USP10: variants seen among roughly 807,000 people sequenced by gnomAD.
USP10 encodes ubiquitin specific peptidase 10.
Under a neutral mutation model 84.5 loss-of-function variants are expected in USP10, and 22 were observed. That is an observed-to-expected ratio of 0.26 (90% CI 0.19 to 0.37). The LOEUF (loss-of-function observed/expected upper bound fraction) is 0.37. Ranked by LOEUF, USP10 falls within the 10% of genes least tolerant of loss-of-function variation. The pLI is 1.00. For missense variants in USP10, 1,019 were observed against 998.9 expected, an observed-to-expected ratio of 1.02 and a Z score of -0.27; for synonymous variants, 454 against 387.6, an observed-to-expected ratio of 1.17 and a Z score of -2.01.
intron 1 of USP10, among the ~76,000 whole-genome samples, chr16:84,730,867 A>G (rs1051140937): frequency 2.0e-5 from 3 of 152,198 alleles, no homozygotes; most frequent in African/African-American, 7.2e-5. Context: ...AATCCTGCAG[A>G]ACATTCTGAT....
intron 2 of USP10, 71 bp downstream of exon 2, chr16:84,733,574 G>GT (rs571034552): frequency 8.4e-6 from 10 of 1,188,468 alleles, no homozygotes; most frequent in African/African-American, 4.8e-5. Flanking sequence ...ATTTTAATTT[G>GT]TTTTTTTAAA....
Position 84,779,004 on chromosome 16 carries a change from C to T in USP10, c.2319C>T (p.Ile773=), listed in dbSNP as rs767938676. ...TCGATGACCAGACAGTCAAGGTGAT[C>T]AACCAGTACCAGGTGGTGAAACCAA... ...LRIDDQTVKV[I]NQYQVVKPTA... Residue 773 remains isoleucine, a synonymous_variant, in exon 14 of 14, where the codon ATC becomes ATT. Transcript: ENST00000219473. The T allele has an allele frequency of 1.2e-4, 186 of 1,614,042 alleles. No individual in the cohort carries two copies. Among genetic ancestry groups the T allele is most frequent in the Non-Finnish European group, 1.6e-4 (183 of 1,179,902 alleles).
At chr16:84,749,746 G>T (rs1239563000) in intron 4 of USP10, among the ~76,000 whole-genome samples, 1 of 152,016 alleles carries the variant, frequency 6.6e-6, no homozygotes. Context: ...GAAGGCAGAT[G>T]GACTAAAAGA....
At chr16:84,761,958 C>G (rs1040784534) in intron 8 of USP10, among the ~76,000 whole-genome samples, 2 of 152,260 alleles carry the variant, frequency 1.3e-5, no homozygotes, top group Admixed American at 1.3e-4. Context: ...CAGCTGCTGT[C>G]CACGTCTACT....
intron 13 of USP10, among the ~76,000 whole-genome samples, chr16:84,778,028 T>C (rs1431523273): frequency 1.3e-5 from 2 of 152,014 alleles, no homozygotes; most frequent in African/African-American, 4.8e-5. Flanking sequence ...CTTCTACAGA[T>C]TTTTTGTTTT....
At chr16:84,762,277 C>G (rs902126917) in intron 8 of USP10, among the ~76,000 whole-genome samples, 2 of 152,246 alleles carry the variant, frequency 1.3e-5, no homozygotes, top group Non-Finnish European at 1.5e-5. Flanking sequence ...GGCTGCTTAG[C>G]TCATTGCTCG....
At chr16:84,747,788 A>G (rs1567626662) in intron 4 of USP10, among the ~76,000 whole-genome samples, 1 of 151,860 alleles carries the variant, frequency 6.6e-6, no homozygotes, top group Non-Finnish European at 1.5e-5. Flanking sequence ...GCTGGCCTCA[A>G]ACTCCTGACC....
Position 84,779,296 on chromosome 16 carries a change from T to C in USP10, c.*214T>C, listed in dbSNP as rs1353594920. On this transcript the variant is annotated 3_prime_UTR_variant, in exon 14 of 14. Transcript: ENST00000219473. ...TCAAAATCATTTGGTTGAAACAGAC[T>C]GTTGCTTGATTTTAGAAAATACACA... 1.3e-5 allele frequency: 6 copies of C among 461,050 alleles called. No homozygotes were observed. Among genetic ancestry groups the C allele is most frequent in the South Asian group, 9.7e-5 (2 of 20,528 alleles). The allele number at this position is 461,050 out of a possible 1,614,324, so 28.6% of individuals were successfully genotyped here. A position where few individuals can be genotyped will look rare whatever the true frequency, so the allele number is the denominator to read the frequency against.
intron 1 of USP10, chr16:84,704,674 A>T: frequency 6.9e-7 from 1 of 1,450,398 alleles, no homozygotes; most frequent in African/African-American, 1.4e-5. Context: ...TTTATCATAA[A>T]CCTCGATGTA....
At chr16:84,718,487 G>A (rs972540331) in intron 1 of USP10, among the ~76,000 whole-genome samples, 2 of 152,120 alleles carry the variant, frequency 1.3e-5, no homozygotes, top group East Asian at 1.9e-4. Context: ...GGCCGGGTGC[G>A]GTGGCTCACG....
intron 1 of USP10, chr16:84,733,105 G>C (rs1246636632): frequency 2.1e-6 from 1 of 469,034 alleles, no homozygotes. Flanking sequence ...TCAGCAGAAA[G>C]GTAAATGGAA....
At chr16:84,754,656 T>A (rs576414333) in intron 4 of USP10, among the ~76,000 whole-genome samples, 2 of 152,342 alleles carry the variant, frequency 1.3e-5, no homozygotes, top group South Asian at 4.1e-4. Context: ...AACTGGAAGC[T>A]GGTATCGATT....
chr16:84,738,172 G>A (rs1010841801), intron 2 of USP10, among the ~76,000 whole-genome samples: 4 of 152,122 alleles, frequency 2.6e-5, no homozygotes, highest in Non-Finnish European at 5.9e-5. Context: ...TCTCGGGTCT[G>A]GAGGTTTCCT....
chr16:84,726,808 T>A (rs981374140), intron 1 of USP10, among the ~76,000 whole-genome samples: 1 of 152,224 alleles, frequency 6.6e-6, no homozygotes, highest in Non-Finnish European at 1.5e-5. Flanking sequence ...GCCCTTGTAC[T>A]TTGCTCCCCC....
intron 1 of USP10, 42 bp from the exon 2 acceptor site, chr16:84,733,393 T>C (rs1218595502): frequency 1.4e-6 from 2 of 1,448,096 alleles, no homozygotes; most frequent in Admixed American, 3.7e-5. Context: ...GTATATAATT[T>C]GTATATTTTA....
chr16:84,734,765 G>T (rs887877525), intron 2 of USP10, among the ~76,000 whole-genome samples: 1 of 152,122 alleles, frequency 6.6e-6, no homozygotes, highest in Admixed American at 6.5e-5. Context: ...AAAGTTTTCA[G>T]ATTTTGTTTT....
chr16:84,746,461 C>T (rs1027219011), intron 4 of USP10, among the ~76,000 whole-genome samples: 1 of 152,218 alleles, frequency 6.6e-6, no homozygotes, highest in Non-Finnish European at 1.5e-5. Flanking sequence ...GCCTATTACT[C>T]CCGGGCTGCA....
At chr16:84,760,043 T>C (rs1913025473) in intron 7 of USP10, 97 bp downstream of exon 7, 1 of 1,533,684 alleles carries the variant, frequency 6.5e-7, no homozygotes, top group Non-Finnish European at 9.0e-7. Flanking sequence ...GGGAAGATAG[T>C]GTCTTTACAC....
chr16:84,723,828 A>T (rs1908117400), intron 1 of USP10, among the ~76,000 whole-genome samples: 1 of 152,228 alleles, frequency 6.6e-6, no homozygotes, highest in South Asian at 2.1e-4. Context: ...CTCCACAATC[A>T]AGACACCAGT....
Sources: gnomAD v4.1 joint callset for allele counts (sites outside exome capture counted in the v4.1 genomes callset) on GRCh38, gnomAD v4.1.1 for gene constraint, MANE v1.5 for transcripts, NCBI Gene and HGNC (gene_info 2026-07-23, HGNC 2026-07-21) for gene names.